Variants in CNNM2 observed in about 807,000 individuals in gnomAD.
The protein encoded by CNNM2 is metal transporter CNNM2.
A neutral mutation model predicts 66.9 loss-of-function variants in CNNM2; 12 were observed. The ratio of observed to expected loss-of-function variants is 0.18; its 90% confidence interval spans 0.11 to 0.29. The LOEUF is 0.29. Ranked by LOEUF, CNNM2 falls within the 10% of genes least tolerant of loss-of-function variation. The pLI, the probability that CNNM2 is intolerant of heterozygous loss-of-function variation, is 1.00. For missense variants in CNNM2, 705 were observed against 1,167.7 expected, an observed-to-expected ratio of 0.60 and a Z score of 5.77; for synonymous variants, 557 against 501.8, an observed-to-expected ratio of 1.11 and a Z score of -1.47.
intron 6 of CNNM2, among the ~76,000 whole-genome samples, chr10:103,074,893 T>C (rs1053943674): frequency 2.0e-5 from 3 of 152,200 alleles, no homozygotes; most frequent in African/African-American, 7.2e-5. Flanking sequence ...GGAGTACTTA[T>C]GTTTTGTTCC....
intron 4 of CNNM2, among the ~76,000 whole-genome samples, chr10:103,057,216 C>T (rs986157016): frequency 6.6e-6 from 1 of 152,126 alleles, no homozygotes; most frequent in African/African-American, 2.4e-5. Flanking sequence ...ACCTGTCATT[C>T]CACCACTTTG....
chr10:102,968,209 G>T (rs1395014619), intron 1 of CNNM2, among the ~76,000 whole-genome samples: 1 of 152,108 alleles, frequency 6.6e-6, no homozygotes, highest in Admixed American at 6.5e-5. Context: ...GAGGGTTTTG[G>T]TTTTTCCACA....
At chr10:103,061,746 T>A (rs2065389524) in intron 4 of CNNM2, among the ~76,000 whole-genome samples, 1 of 152,234 alleles carries the variant, frequency 6.6e-6, no homozygotes, top group Non-Finnish European at 1.5e-5. Context: ...TGGTAGCAGA[T>A]AGCAACACAC....
intron 1 of CNNM2, among the ~76,000 whole-genome samples, chr10:102,997,164 G>C (rs897854124): frequency 1.3e-5 from 2 of 152,190 alleles, no homozygotes; most frequent in African/African-American, 2.4e-5. Flanking sequence ...TGAGAGTTGG[G>C]ATGAGAATGG....
At chr10:102,939,780 G>A (rs1846360423) in intron 1 of CNNM2, among the ~76,000 whole-genome samples, 1 of 152,146 alleles carries the variant, frequency 6.6e-6, no homozygotes, top group Non-Finnish European at 1.5e-5. Flanking sequence ...AGATCAGCAT[G>A]ACCAACATGG....
At position 102,918,978 on chromosome 10, in the gene CNNM2, C is replaced by T. The variant is rs769249700; in HGVS notation, c.498C>T (p.Asn166=). 1 of 1,612,694 alleles carries T rather than the reference C, an allele frequency of 6.2e-7. No homozygotes were observed. Among genetic ancestry groups the T allele is most frequent in the Non-Finnish European group, 8.5e-7 (1 of 1,179,522 alleles). ...DIIILPHIIL[N]RRTSGIIEIE... is the part of the protein sequence containing the mutation. ...TCATCTTGCCCCACATCATTCTCAA[C>T]CGCCGCACCTCGGGCATCATCGAGA... The change falls in exon 1 of 8, where the codon AAC becomes AAT. Residue 166 remains asparagine (N), a synonymous_variant. Transcript: ENST00000369878. This position sits in a 1 kb window ranked among gnomAD's most constrained non-coding sequence, Gnocchi z 4.1.
chr10:103,070,232 T>C (rs1342798343), intron 5 of CNNM2, among the ~76,000 whole-genome samples: 2 of 152,284 alleles, frequency 1.3e-5, no homozygotes, highest in East Asian at 3.9e-4. Flanking sequence ...TTTCACTGCT[T>C]AGTGAGAGAG....
At chr10:102,922,810 G>T (rs540954953) in intron 1 of CNNM2, among the ~76,000 whole-genome samples, 1 of 152,080 alleles carries the variant, frequency 6.6e-6, no homozygotes, top group South Asian at 2.1e-4. Context: ...GCGTGGTGGT[G>T]TGTGCCTGTG....
intron 1 of CNNM2, among the ~76,000 whole-genome samples, chr10:102,945,751 C>A (rs2134184947): frequency 6.6e-6 from 1 of 152,250 alleles, no homozygotes; most frequent in South Asian, 2.1e-4. Flanking sequence ...ATGTTAGGTA[C>A]CCTCTTCTGT....
intron 1 of CNNM2, among the ~76,000 whole-genome samples, chr10:103,005,140 C>T (rs1312719851): frequency 6.6e-6 from 1 of 151,958 alleles, no homozygotes; most frequent in Non-Finnish European, 1.5e-5. Context: ...GTCTCGAACT[C>T]ATGACCTCAA....
chr10:102,919,539 C>T lies in CNNM2; in HGVS notation c.1059C>T (p.Val353=). 1.2e-6 allele frequency: 2 copies of T among 1,613,424 alleles called. No homozygotes were observed. Among genetic ancestry groups the T allele is most frequent in the Non-Finnish European group, 1.7e-6 (2 of 1,180,042 alleles). Residue 353 remains valine (V), a synonymous_variant, in exon 1 of 8, where the codon GTC becomes GTT. Transcript: ENST00000369878. ...VAVVVSTIGI[V]IFGEIVPQAI... is the part of the protein sequence containing the mutation. ...TGGTAGTCTCCACCATCGGTATCGT[C>T]ATCTTCGGAGAGATCGTGCCCCAGG...
intron 1 of CNNM2, among the ~76,000 whole-genome samples, chr10:103,029,125 A>G (rs912510562): frequency 6.7e-6 from 1 of 149,320 alleles, no homozygotes; most frequent in African/African-American, 2.5e-5. Context: ...CCCGGCCCCC[A>G]CTCCTATTTT....
chr10:102,920,175 C>G, intron 1 of CNNM2, 74 bp downstream of exon 1: 1 of 1,612,638 alleles, frequency 6.2e-7, no homozygotes, highest in Non-Finnish European at 8.5e-7. Context: ...GTCCTCTACC[C>G]TCAGACCAAC....
intron 1 of CNNM2, among the ~76,000 whole-genome samples, chr10:102,948,406 CTA>C (rs1206417099): frequency 6.6e-6 from 1 of 152,086 alleles, no homozygotes; most frequent in Non-Finnish European, 1.5e-5. Context: ...GGAAAAGAGA[CTA>C]TTGCAGGGAG....
chr10:103,039,791 A>G (rs1462148892), intron 1 of CNNM2, among the ~76,000 whole-genome samples: 1 of 152,128 alleles, frequency 6.6e-6, no homozygotes, highest in Admixed American at 6.5e-5. Flanking sequence ...AGAGGGTGGC[A>G]TCAAGCTAGG....
intron 1 of CNNM2, among the ~76,000 whole-genome samples, chr10:102,997,091 T>A (rs1652636354): frequency 2.0e-5 from 3 of 152,236 alleles, no homozygotes; most frequent in South Asian, 2.1e-4. Context: ...CAGTAAGGAC[T>A]GTCCTAAAGA....
At chr10:102,964,356 G>A (rs891752096) in intron 1 of CNNM2, among the ~76,000 whole-genome samples, 1 of 152,024 alleles carries the variant, frequency 6.6e-6, no homozygotes, top group African/African-American at 2.4e-5. Flanking sequence ...AGGCTCCCGA[G>A]TAGCTGGGAC....
chr10:103,072,245 C>A (rs1169861845), intron 6 of CNNM2, among the ~76,000 whole-genome samples: 3 of 152,142 alleles, frequency 2.0e-5, no homozygotes, highest in Non-Finnish European at 4.4e-5. Flanking sequence ...ACCCTGAGGC[C>A]GCTTTTATAG....
intron 3 of CNNM2, among the ~76,000 whole-genome samples, chr10:103,055,861 C>G (rs1171334712): frequency 6.6e-6 from 1 of 152,026 alleles, no homozygotes; most frequent in Non-Finnish European, 1.5e-5. Flanking sequence ...CAGCTCTTGG[C>G]GGGGCCAAGG....
Sources: allele counts gnomAD v4.1 joint callset (sites outside exome capture counted in the v4.1 genomes callset), GRCh38; gene constraint gnomAD v4.1.1; non-coding constraint Gnocchi (gnomAD v3.1); transcripts MANE v1.5; gene names NCBI Gene and HGNC (gene_info 2026-07-23, HGNC 2026-07-21).